GPR158: variants seen among roughly 807,000 people sequenced by gnomAD.
GPR158 encodes the protein metabotropic glycine receptor.
Under a neutral mutation model 78.2 loss-of-function variants are expected in GPR158, and 30 were observed. The ratio of observed to expected loss-of-function variants is 0.38; its 90% confidence interval spans 0.29 to 0.52. The LOEUF (loss-of-function observed/expected upper bound fraction) is 0.52. GPR158 is among the 20% of genes least tolerant of loss of function. The pLI, the probability that GPR158 is intolerant of heterozygous loss-of-function variation, is 0.83. For synonymous variants in GPR158, 581 were observed against 591.1 expected (o/e 0.98, Z 0.25); for missense variants, 1,463 against 1,523.5 (o/e 0.96, Z 0.66).
At chr10:25,575,536 T>G (rs116680959) in intron 7 of GPR158, among the ~76,000 whole-genome samples, 2,370 of 152,192 alleles carry the variant, frequency 0.016, 47 homozygotes, top group African/African-American at 0.054. Flanking sequence ...ATAGTGGAGC[T>G]CAGCAATCTG....
chr10:25,415,909 A>G (rs900495111), intron 4 of GPR158, among the ~76,000 whole-genome samples: 1 of 152,122 alleles, frequency 6.6e-6, no homozygotes, highest in Admixed American at 6.6e-5. Flanking sequence ...CAAAAATGTT[A>G]CAAAATTAGA....
intron 2 of GPR158, among the ~76,000 whole-genome samples, chr10:25,334,683 C>A (rs1376048928): frequency 6.6e-6 from 1 of 151,960 alleles, no homozygotes; most frequent in African/African-American, 2.4e-5. Flanking sequence ...CATTTAATGT[C>A]TATGTGACCC....
In GPR158 at chr10:25,401,324, A is replaced by G. The variant is rs376324246; in HGVS notation, c.1111+5311A>G. On this transcript the variant is annotated intron_variant, in intron 3 of 10. Coordinates refer to ENST00000376351, the MANE Select transcript of GPR158 (RefSeq NM_020752.3). ...TACTGTATTATAGGAACCTAGTCCTAATCGGTTTTACTCTAGTTGTAGAAG... is the reference window on the plus strand; with the variant it reads ...TACTGTATTATAGGAACCTAGTCCTGATCGGTTTTACTCTAGTTGTAGAAG... 1.8e-4 allele frequency among the ~76,000 whole-genome samples: 27 copies of G among 152,280 alleles called. No individual in the cohort carries two copies. The East Asian group carries it at 4.2e-3, about 24-fold the overall frequency.
chr10:25,583,254 AC>A (rs1340390502), intron 7 of GPR158, among the ~76,000 whole-genome samples: 9 of 152,074 alleles, frequency 5.9e-5, no homozygotes, highest in African/African-American at 1.7e-4. Context: ...GAATCAACTG[AC>A]TTTAAGGCCA....
chr10:25,198,332 A>G (rs1184365526), intron 1 of GPR158, among the ~76,000 whole-genome samples: 1 of 152,204 alleles, frequency 6.6e-6, no homozygotes, highest in Non-Finnish European at 1.5e-5. Flanking sequence ...CGTGAATACT[A>G]TGTAAAGTTT....
chr10:25,445,387 A>G (rs1835127138), intron 4 of GPR158, among the ~76,000 whole-genome samples: 1 of 152,192 alleles, frequency 6.6e-6, no homozygotes, highest in Non-Finnish European at 1.5e-5. Context: ...AGGCTCTGGA[A>G]TGTTTCAGAT....
At chr10:25,413,217 A>T (rs1834617375) in intron 4 of GPR158, among the ~76,000 whole-genome samples, 1 of 152,196 alleles carries the variant, frequency 6.6e-6, no homozygotes, top group Admixed American at 6.5e-5. Context: ...CTATAGTCCC[A>T]ACTATTTAGG....
chr10:25,297,351 G>T (rs1854530366), intron 2 of GPR158, among the ~76,000 whole-genome samples: 1 of 152,104 alleles, frequency 6.6e-6, no homozygotes. Flanking sequence ...GTTTGACATT[G>T]GTCTTAAATG....
At chr10:25,290,603 A>T (rs1176073498) in intron 2 of GPR158, among the ~76,000 whole-genome samples, 1 of 152,150 alleles carries the variant, frequency 6.6e-6, no homozygotes, top group Non-Finnish European at 1.5e-5. Flanking sequence ...AATGATCAGA[A>T]AATGTAGGCC....
At chr10:25,392,841 G>T (rs1834319444) in intron 2 of GPR158, among the ~76,000 whole-genome samples, 1 of 152,052 alleles carries the variant, frequency 6.6e-6, no homozygotes, top group South Asian at 2.1e-4. Flanking sequence ...AATAAGCCAA[G>T]ACCACTTGTA....
At chr10:25,432,269 G>A (rs1207724725) in intron 4 of GPR158, among the ~76,000 whole-genome samples, 1 of 119,974 alleles carries the variant, frequency 8.3e-6, no homozygotes, top group Non-Finnish European at 1.9e-5. Flanking sequence ...TTAAAGCAAT[G>A]GCATGTACGT....
chr10:25,342,216 G>A (rs575340353), intron 2 of GPR158, among the ~76,000 whole-genome samples: 34 of 150,630 alleles, frequency 2.3e-4, no homozygotes, highest in African/African-American at 8.3e-4. Flanking sequence ...GCTATATCTG[G>A]CTCTTTAAAT....
At chr10:25,210,683 A>G (rs564713380) in intron 1 of GPR158, among the ~76,000 whole-genome samples, 16 of 152,288 alleles carry the variant, frequency 1.1e-4, no homozygotes, top group Admixed American at 3.9e-4. Context: ...AACTGTTTAT[A>G]TCCTTTGCCC....
chr10:25,479,144 C>T (rs562467592), intron 5 of GPR158, among the ~76,000 whole-genome samples: 22 of 151,866 alleles, frequency 1.4e-4, no homozygotes, highest in South Asian at 4.2e-4. Context: ...GATTTATAAT[C>T]GATGATTTTT....
At chr10:25,372,670 G>A (rs1375819169) in intron 2 of GPR158, among the ~76,000 whole-genome samples, 1 of 129,662 alleles carries the variant, frequency 7.7e-6, no homozygotes, top group Non-Finnish European at 1.6e-5. Flanking sequence ...AGAACACATG[G>A]ACACAGGAAG....
chr10:25,456,121 A>G (rs1159551439), intron 4 of GPR158, among the ~76,000 whole-genome samples: 7 of 152,178 alleles, frequency 4.6e-5, no homozygotes, highest in Non-Finnish European at 8.8e-5. Context: ...TGTCAAATAC[A>G]ATACTGCTAT....
intron 2 of GPR158, among the ~76,000 whole-genome samples, chr10:25,317,172 G>A (rs1854867189): frequency 6.6e-6 from 1 of 151,664 alleles, no homozygotes; most frequent in South Asian, 2.1e-4. Context: ...AGTCTCCTGA[G>A]TAATTGGGAT....
intron 4 of GPR158, among the ~76,000 whole-genome samples, chr10:25,433,793 A>G (rs1402993854): frequency 7.0e-6 from 1 of 143,342 alleles, no homozygotes; most frequent in Non-Finnish European, 1.5e-5. Context: ...TTGGGCTCCT[A>G]ATATGCTGGT....
chr10:25,314,971 A>T (rs1208095372), intron 2 of GPR158, among the ~76,000 whole-genome samples: 2 of 148,760 alleles, frequency 1.3e-5, no homozygotes, highest in African/African-American at 5.0e-5. Flanking sequence ...ATTAATTTTT[A>T]GTTTTTCTGA....
Sources: allele counts gnomAD v4.1 joint callset (sites outside exome capture counted in the v4.1 genomes callset), GRCh38; gene constraint gnomAD v4.1.1; transcripts MANE v1.5; gene names NCBI Gene and HGNC (gene_info 2026-07-23, HGNC 2026-07-21).